Variants in DAB1 observed in about 807,000 individuals in gnomAD.
The protein encoded by DAB1 is DAB adaptor protein 1.
A neutral mutation model predicts 64.6 loss-of-function variants in DAB1; 15 were observed. The observed-to-expected ratio is 0.23, with a 90% CI of 0.16 to 0.36. The LOEUF is 0.36. Ranked by LOEUF, DAB1 falls within the 10% of genes least tolerant of loss-of-function variation. DAB1 has a pLI of 1.00. For missense variants in DAB1, 596 were observed against 706.7 expected (o/e 0.84, Z 1.78); for synonymous variants, 235 against 251.9 (o/e 0.93, Z 0.64).
intron 4 of DAB1, among the ~76,000 whole-genome samples, chr1:57,131,872 G>A (rs2100783100): frequency 6.6e-6 from 1 of 152,216 alleles, no homozygotes; most frequent in East Asian, 1.9e-4. Flanking sequence ...TATGTAGTAA[G>A]TATTAGCGGG....
rs369709762 is a variant in DAB1 at position 58,313,856 on chromosome 1, T to TGTGTGAGA, written n.309+29495_309+29496insTCTCACAC. ...GTGTGTGTGTGTGTGTGTGTGTGTG[T>TGTGTGAGA]GAGAGAGAGAGAGAGAGAGAGAGAT... On this transcript the variant is annotated intron_variant and non_coding_transcript_variant, in intron 4 of 20. Coordinates refer to the DAB1 transcript ENST00000485760. Among the ~76,000 whole-genome samples, 152 of 112,158 alleles carry TGTGTGAGA rather than the reference T, an allele frequency of 1.4e-3. 1 individual carries two copies. In the East Asian group the frequency reaches 0.021, roughly 15 times the overall value. The allele number at this position is 112,158 out of a possible 152,430, so 73.6% of individuals were successfully genotyped here.
intron 5 of DAB1, among the ~76,000 whole-genome samples, chr1:57,943,479 C>G (rs368785336): frequency 4.6e-5 from 7 of 152,184 alleles, no homozygotes; most frequent in Admixed American, 3.9e-4. Context: ...AGACTCCACC[C>G]CTGCCTCCCA....
intron 7 of DAB1, among the ~76,000 whole-genome samples, chr1:57,590,353 C>T (rs983132933): frequency 1.3e-5 from 2 of 151,200 alleles, no homozygotes; most frequent in African/African-American, 2.4e-5. Flanking sequence ...TGGAGTCTTG[C>T]TCTGTCACCA....
chr1:57,456,317 T>C (rs1686590773), intron 7 of DAB1, among the ~76,000 whole-genome samples: 1 of 152,092 alleles, frequency 6.6e-6, no homozygotes, highest in Non-Finnish European at 1.5e-5. Context: ...TTGCTGAAAA[T>C]TATTCAAAAG....
intron 7 of DAB1, among the ~76,000 whole-genome samples, chr1:57,440,142 T>G (rs551514531): frequency 4.4e-4 from 67 of 152,346 alleles, no homozygotes; most frequent in African/African-American, 1.5e-3. Flanking sequence ...AAAACCTGGC[T>G]GAATGAAACC....
chr1:58,202,683 T>G (rs1190227551), intron 4 of DAB1, among the ~76,000 whole-genome samples: 1 of 152,256 alleles, frequency 6.6e-6, no homozygotes, highest in Admixed American at 6.5e-5. Context: ...CATTAGAAAT[T>G]ACTATCATTT....
At chr1:58,334,080 G>A (rs1007922653) in intron 4 of DAB1, among the ~76,000 whole-genome samples, 1 of 152,102 alleles carries the variant, frequency 6.6e-6, no homozygotes, top group Non-Finnish European at 1.5e-5. Context: ...ACCGGGGAAG[G>A]AATGTACATC....
At chr1:58,217,495 T>C (rs1658920209) in intron 4 of DAB1, among the ~76,000 whole-genome samples, 1 of 152,244 alleles carries the variant, frequency 6.6e-6, no homozygotes, top group South Asian at 2.1e-4. Context: ...ACTTATTCAT[T>C]TTCCTACACT....
chr1:58,516,426 C>G (rs1000730483), intron 2 of DAB1, among the ~76,000 whole-genome samples: 10 of 152,188 alleles, frequency 6.6e-5, no homozygotes, highest in Admixed American at 5.9e-4. Context: ...AACAGGACCT[C>G]TTTTGTCAGC....
At chr1:57,198,329 C>T (rs1664798442) in intron 2 of DAB1, among the ~76,000 whole-genome samples, 1 of 152,102 alleles carries the variant, frequency 6.6e-6, no homozygotes, top group Non-Finnish European at 1.5e-5. Flanking sequence ...CACAGTGTAG[C>T]AGGGAAGAGA....
At chr1:57,620,762 G>A (rs1207449527) in intron 7 of DAB1, among the ~76,000 whole-genome samples, 1 of 152,152 alleles carries the variant, frequency 6.6e-6, no homozygotes, top group Non-Finnish European at 1.5e-5. Context: ...GGAGGTAGGA[G>A]GAGGACGTAA....
At chr1:57,180,708 G>A (rs1464872053) in intron 2 of DAB1, among the ~76,000 whole-genome samples, 2 of 151,944 alleles carry the variant, frequency 1.3e-5, no homozygotes, top group Admixed American at 6.6e-5. Flanking sequence ...CTTCTCCTGA[G>A]TACCCACAAC....
intron 6 of DAB1, among the ~76,000 whole-genome samples, chr1:57,753,501 A>C (rs1283488159): frequency 6.6e-6 from 1 of 152,190 alleles, no homozygotes; most frequent in Non-Finnish European, 1.5e-5. Context: ...GCTACTGAAC[A>C]TTTTGAAATC....
intron 1 of DAB1, among the ~76,000 whole-genome samples, chr1:57,834,672 C>T (rs1488438453): frequency 6.6e-6 from 1 of 150,932 alleles, no homozygotes; most frequent in Non-Finnish European, 1.5e-5. Flanking sequence ...CGTATGTGTA[C>T]ATATATATGT....
intron 6 of DAB1, among the ~76,000 whole-genome samples, chr1:57,777,755 A>ATAAC (rs992192787): frequency 6.6e-6 from 1 of 152,040 alleles, no homozygotes; most frequent in Non-Finnish European, 1.5e-5. Flanking sequence ...TTGTTGATCT[A>ATAAC]TAACTATTTA....
intron 6 of DAB1, among the ~76,000 whole-genome samples, chr1:57,778,731 G>T (rs1330565411): frequency 6.6e-6 from 1 of 152,120 alleles, no homozygotes; most frequent in African/African-American, 2.4e-5. Flanking sequence ...TTACCCATTT[G>T]TAAAATTGTG....
At chr1:57,698,648 A>G (rs1002328845) in intron 6 of DAB1, among the ~76,000 whole-genome samples, 1 of 152,186 alleles carries the variant, frequency 6.6e-6, no homozygotes, top group Non-Finnish European at 1.5e-5. Flanking sequence ...TGGAGAGAGA[A>G]ATGATTGAAT....
At chr1:57,074,436 C>T (rs1651798584) in intron 4 of DAB1, among the ~76,000 whole-genome samples, 1 of 152,090 alleles carries the variant, frequency 6.6e-6, no homozygotes, top group Admixed American at 6.6e-5. Context: ...CCATTAGGAC[C>T]ACTCACTACA....
intron 2 of DAB1, among the ~76,000 whole-genome samples, chr1:58,506,870 A>T (rs1569912173): frequency 6.6e-6 from 1 of 152,218 alleles, no homozygotes; most frequent in East Asian, 1.9e-4. Context: ...AAAACACAAT[A>T]CCTTATAAAA....
Sources: gnomAD v4.1 joint callset for allele counts (sites outside exome capture counted in the v4.1 genomes callset) on GRCh38, gnomAD v4.1.1 for gene constraint, MANE v1.5 for transcripts, NCBI Gene and HGNC (gene_info 2026-07-23, HGNC 2026-07-21) for gene names.